Variants in DNAAF9 observed in about 807,000 individuals in gnomAD.
The protein encoded by DNAAF9 is dynein axonemal assembly factor 9.
Under a neutral mutation model 167.0 loss-of-function variants are expected in DNAAF9, and 90 were observed. The observed-to-expected ratio is 0.54, with a 90% CI of 0.45 to 0.64. DNAAF9 has a LOEUF of 0.64. Among genes scored for constraint, DNAAF9 ranks in the 30% least tolerant of loss-of-function variants. The pLI, the probability that DNAAF9 is intolerant of heterozygous loss-of-function variation, is 0.00. For synonymous variants in DNAAF9, 491 were observed against 508.8 expected, an observed-to-expected ratio of 0.96 and a Z score of 0.47; for missense variants, 1,315 against 1,442.2, an observed-to-expected ratio of 0.91 and a Z score of 1.43.
At chr20:3,368,148 G>A (rs776794605) in intron 6 of DNAAF9, among the ~76,000 whole-genome samples, 1 of 152,108 alleles carries the variant, frequency 6.6e-6, no homozygotes, top group South Asian at 2.1e-4. Context: ...CTGGGGCAAG[G>A]GGAATCTTTG....
At chr20:3,407,400 GC>G in intron 1 of DNAAF9, 74 bp downstream of exon 1, 1 of 1,154,218 alleles carries the variant, frequency 8.7e-7, no homozygotes, top group Non-Finnish European at 1.1e-6. Context: ...ACGCCCTGCG[GC>G]GGGAGGCGTC....
In DNAAF9 at chr20:3,343,661, A is replaced by G. The variant is rs770818168; in HGVS notation, c.845+15T>C. 6.2e-6 allele frequency: 10 copies of G among 1,605,078 alleles called. No homozygotes were observed. The East Asian group carries it at 6.7e-5, about 11-fold the overall frequency. ...CTATCACCATTCGCCCTTCTTCCCC[A>G]AGAAAGAAACTTACCTGTTTTCAGT... On this transcript the variant is annotated intron_variant, in intron 9 of 36. Coordinates refer to ENST00000252032, the MANE Select transcript of DNAAF9 (RefSeq NM_001009984.3).
chr20:3,266,465 GTTCTT>G (rs1428437626), intron 30 of DNAAF9, among the ~76,000 whole-genome samples: 1 of 152,054 alleles, frequency 6.6e-6, no homozygotes, highest in African/African-American at 2.4e-5. Flanking sequence ...TTATTTTCTA[GTTCTT>G]TTGTTTTTGT....
chr20:3,340,664 T>C (rs2070065173), intron 9 of DNAAF9, 25 bp from the exon 10 acceptor site: 3 of 1,612,708 alleles, frequency 1.9e-6, no homozygotes, highest in Non-Finnish European at 2.5e-6. Context: ...CAAAAACATG[T>C]GATTAGAAAA....
At chr20:3,374,003 G>T in intron 6 of DNAAF9, 45 bp downstream of exon 6, 2 of 1,225,716 alleles carry the variant, frequency 1.6e-6, no homozygotes, top group Non-Finnish European at 2.4e-6. Flanking sequence ...CATAAAAACA[G>T]CCCAGTGGCA....
intron 28 of DNAAF9, among the ~76,000 whole-genome samples, chr20:3,280,034 T>G (rs929661822): frequency 1.3e-5 from 2 of 152,188 alleles, no homozygotes; most frequent in Non-Finnish European, 2.9e-5. Context: ...AAACCAAATT[T>G]GGTAGATGAG....
chr20:3,330,587 G>T, intron 12 of DNAAF9, 59 bp downstream of exon 12: 1 of 987,106 alleles, frequency 1.0e-6, no homozygotes, highest in Non-Finnish European at 1.6e-6. Flanking sequence ...AAGTACACAG[G>T]ACAGTCACAA....
intron 2 of DNAAF9, 66 bp downstream of exon 2, chr20:3,382,361 C>T (rs575966121): frequency 8.6e-7 from 1 of 1,165,888 alleles, no homozygotes; most frequent in African/African-American, 1.5e-5. Flanking sequence ...ATTACTAATA[C>T]CTTCCTGTGA....
At chr20:3,258,578 C>T (rs539175389) in intron 33 of DNAAF9, among the ~76,000 whole-genome samples, 1 of 152,258 alleles carries the variant, frequency 6.6e-6, no homozygotes, top group East Asian at 1.9e-4. Context: ...GCCAGCCTCT[C>T]CTCATTGGCT....
chr20:3,364,513 C>A (rs551907453), intron 6 of DNAAF9, among the ~76,000 whole-genome samples: 63 of 152,178 alleles, frequency 4.1e-4, no homozygotes, highest in African/African-American at 1.5e-3. Flanking sequence ...AGTGATCTAC[C>A]CAGGGCCCAG....
In DNAAF9 at chr20:3,334,201, T is replaced by A. The variant is rs73608142; in HGVS notation, c.982-1840A>T. On this transcript the variant is annotated intron_variant, in intron 10 of 36. Coordinates refer to ENST00000252032, the MANE Select transcript of DNAAF9 (RefSeq NM_001009984.3). ...CCAAGGGAATGCTCAAATGTTTACTTCTAGACAAGACTAATCCTCGCAACC... is the reference window on the plus strand; with the variant it reads ...CCAAGGGAATGCTCAAATGTTTACTACTAGACAAGACTAATCCTCGCAACC... Among the ~76,000 whole-genome samples the A allele has an allele frequency of 0.012, 1,890 of 152,316 alleles. 88 individuals carry two copies. In the East Asian group the frequency reaches 0.17, roughly 14 times the overall value.
chr20:3,270,253 C>T (rs1264260218), intron 30 of DNAAF9, among the ~76,000 whole-genome samples, 174 bp downstream of exon 30: 1 of 151,942 alleles, frequency 6.6e-6, no homozygotes, highest in East Asian at 1.9e-4. Flanking sequence ...AGTGATCCTC[C>T]CTTCTCAGCC....
intron 5 of DNAAF9, among the ~76,000 whole-genome samples, chr20:3,374,442 A>G (rs951120758): frequency 3.9e-5 from 6 of 152,234 alleles, no homozygotes; most frequent in African/African-American, 1.2e-4. Context: ...GTAGTCTATT[A>G]TATCTGACTT....
intron 31 of DNAAF9, among the ~76,000 whole-genome samples, chr20:3,260,345 C>CAAAAA (rs773574489): frequency 6.7e-6 from 1 of 148,424 alleles, no homozygotes; most frequent in African/African-American, 2.5e-5. Flanking sequence ...GACTCCGTCT[C>CAAAAA]AAAAAAAAAA....
intron 31 of DNAAF9, among the ~76,000 whole-genome samples, chr20:3,262,407 T>C (rs1224460047): frequency 6.6e-6 from 1 of 151,912 alleles, no homozygotes; most frequent in Admixed American, 6.6e-5. Context: ...CCTGCCACCA[T>C]GCCCGGCTAA....
chr20:3,390,795 G>T (rs2123273754), intron 1 of DNAAF9, among the ~76,000 whole-genome samples: 1 of 152,260 alleles, frequency 6.6e-6, no homozygotes, highest in East Asian at 1.9e-4. Context: ...CTTTTTCTGG[G>T]CAATGAAGAT....
chr20:3,324,042 A>T (rs1474791955), intron 14 of DNAAF9, among the ~76,000 whole-genome samples: 1 of 152,198 alleles, frequency 6.6e-6, no homozygotes, highest in Non-Finnish European at 1.5e-5. Flanking sequence ...TTTCATGGCC[A>T]GGGCAGCAAG....
At chr20:3,357,096 C>T (rs2083296199) in intron 7 of DNAAF9, among the ~76,000 whole-genome samples, 1 of 152,266 alleles carries the variant, frequency 6.6e-6, no homozygotes, top group South Asian at 2.1e-4. Flanking sequence ...CACTTGGCTA[C>T]TTATTTTCAA....
chr20:3,270,848 T>C (rs2068581278), intron 29 of DNAAF9, among the ~76,000 whole-genome samples: 1 of 151,324 alleles, frequency 6.6e-6, no homozygotes, highest in African/African-American at 2.4e-5. Flanking sequence ...TGTCTCACTC[T>C]GTTGCCCAGG....
Sources: allele counts gnomAD v4.1 joint callset (sites outside exome capture counted in the v4.1 genomes callset), GRCh38; gene constraint gnomAD v4.1.1; transcripts MANE v1.5; gene names NCBI Gene and HGNC (gene_info 2026-07-23, HGNC 2026-07-21).